CRPPA: variants seen among roughly 807,000 people sequenced by gnomAD.
The protein encoded by CRPPA is D-ribitol-5-phosphate cytidylyltransferase.
In CRPPA, 43 loss-of-function variants were observed where a neutral mutation model predicts 52.0. The ratio of observed to expected loss-of-function variants is 0.83; its 90% CI spans 0.65 to 1.07. CRPPA has a LOEUF of 1.07. Ranked by LOEUF, CRPPA falls within the 50% of genes least tolerant of loss-of-function variation. The probability of loss-of-function intolerance (pLI) is 0.00; values close to 1 mark genes in which losing one functional copy is unlikely to be tolerated. For synonymous variants in CRPPA, 250 were observed against 203.5 expected, an observed-to-expected ratio of 1.23 and a Z score of -1.94; for missense variants, 629 against 551.7, an observed-to-expected ratio of 1.14 and a Z score of -1.40.
At chr7:16,371,852 T>C (rs1195961504) in intron 3 of CRPPA, among the ~76,000 whole-genome samples, 1 of 151,836 alleles carries the variant, frequency 6.6e-6, no homozygotes, top group Non-Finnish European at 1.5e-5. Flanking sequence ...GAGAAATAGA[T>C]ATCATAATGA....
chr7:16,095,022 A>G (rs1407841801), intron 9 of CRPPA, among the ~76,000 whole-genome samples: 2 of 152,208 alleles, frequency 1.3e-5, no homozygotes, highest in African/African-American at 4.8e-5. Context: ...ATGTTGGTAC[A>G]TAAATTGTAA....
At chr7:16,232,678 T>C (rs921305017) in intron 8 of CRPPA, among the ~76,000 whole-genome samples, 2 of 152,080 alleles carry the variant, frequency 1.3e-5, no homozygotes, top group Admixed American at 1.3e-4. Flanking sequence ...ACACTAAATA[T>C]ACTAGTCCTG....
At chr7:16,285,854 CA>C (rs1259496119) in intron 5 of CRPPA, among the ~76,000 whole-genome samples, 3 of 149,842 alleles carry the variant, frequency 2.0e-5, no homozygotes, top group Non-Finnish European at 3.0e-5. Flanking sequence ...ACCCCATTTC[CA>C]CTAAACATAC....
In CRPPA at chr7:16,379,861, G is replaced by A. The variant is rs546692595; in HGVS notation, c.535-3620C>T. The stretch of plus-strand genomic sequence containing the variant: ...TTTTATATCCCGAGACTTTGCTGAA[G>A]TTGCTTATCACCTTAAGGAGATTTT... On this transcript the variant is annotated intron_variant, in intron 2 of 9. Coordinates refer to ENST00000407010, the MANE Select transcript of CRPPA (RefSeq NM_001101426.4). Among the ~76,000 whole-genome samples the A allele has an allele frequency of 7.2e-5, 11 of 152,308 alleles. No individual in the cohort carries two copies. In the South Asian group the frequency reaches 2.3e-3, roughly 32 times the overall value.
chr7:16,368,957 T>A (rs776881571), intron 3 of CRPPA, among the ~76,000 whole-genome samples: 1 of 152,194 alleles, frequency 6.6e-6, no homozygotes, highest in Non-Finnish European at 1.5e-5. Context: ...AGTGTTAACA[T>A]ATAAAATATG....
chr7:16,195,754 C>T (rs1304972193), intron 9 of CRPPA, among the ~76,000 whole-genome samples: 1 of 152,178 alleles, frequency 6.6e-6, no homozygotes, highest in African/African-American at 2.4e-5. Context: ...CCCTGCACTT[C>T]CATTCTTGCC....
chr7:16,379,032 G>A (rs1315521625), intron 2 of CRPPA, among the ~76,000 whole-genome samples: 22 of 152,148 alleles, frequency 1.4e-4, no homozygotes, highest in South Asian at 1.0e-3. Context: ...AGTAGGTTGC[G>A]AAAATTTTCT....
At chr7:16,177,234 T>A (rs1781321275) in intron 9 of CRPPA, among the ~76,000 whole-genome samples, 2 of 152,136 alleles carry the variant, frequency 1.3e-5, no homozygotes, top group African/African-American at 2.4e-5. Flanking sequence ...GTGCTGGTGG[T>A]TGCTCAATAC....
chr7:16,333,299 C>T (rs1785600991), intron 3 of CRPPA, among the ~76,000 whole-genome samples: 1 of 152,112 alleles, frequency 6.6e-6, no homozygotes, highest in Admixed American at 6.5e-5. Context: ...CTACTTCATC[C>T]AACATCATCA....
chr7:16,166,581 G>A (rs1781070656), intron 9 of CRPPA, among the ~76,000 whole-genome samples: 1 of 152,168 alleles, frequency 6.6e-6, no homozygotes, highest in Non-Finnish European at 1.5e-5. Flanking sequence ...CACCTGGCCA[G>A]CCTAAACTAC....
chr7:16,376,367 C>G, intron 2 of CRPPA, 126 bp from the exon 3 acceptor site: 1 of 940,444 alleles, frequency 1.1e-6, no homozygotes. Context: ...AAGAAAACAT[C>G]TGAGTAAGTG....
At chr7:16,401,580 G>A (rs1344523562) in intron 2 of CRPPA, among the ~76,000 whole-genome samples, 2 of 152,176 alleles carry the variant, frequency 1.3e-5, no homozygotes, top group Non-Finnish European at 2.9e-5. Flanking sequence ...TTGCTTTGTT[G>A]ATGCAGTCTC....
chr7:16,203,962 T>C (rs959007162), intron 9 of CRPPA, among the ~76,000 whole-genome samples: 7 of 152,148 alleles, frequency 4.6e-5, no homozygotes, highest in African/African-American at 1.7e-4. Context: ...TTAATTCATG[T>C]TACAAAAACA....
intron 9 of CRPPA, among the ~76,000 whole-genome samples, chr7:16,192,238 G>A (rs886565407): frequency 3.3e-5 from 5 of 151,968 alleles, no homozygotes; most frequent in African/African-American, 1.2e-4. Context: ...TTACTGTTTG[G>A]GTGGACGTGA....
chr7:16,416,415 C>T (rs566542594), intron 1 of CRPPA, among the ~76,000 whole-genome samples: 1 of 152,106 alleles, frequency 6.6e-6, no homozygotes, highest in East Asian at 1.9e-4. Context: ...CTATAAGAAT[C>T]GTAGAAGAAA....
chr7:16,367,476 G>C lies in CRPPA; in HGVS notation c.684+8616C>G, dbSNP rs1259948785. 2.6e-5 allele frequency among the ~76,000 whole-genome samples: 4 copies of C among 152,148 alleles called. No individual in the cohort carries two copies. The East Asian group carries it at 7.7e-4, about 29-fold the overall frequency. Reference sequence around the variant, plus strand: ...AATTTCATCTTTTTGACTTGTTCCTGTTAACTCAGTATTTAAAACCCAAAC... The same window carrying C: ...AATTTCATCTTTTTGACTTGTTCCTCTTAACTCAGTATTTAAAACCCAAAC... On this transcript the variant is annotated intron_variant, in intron 3 of 9. Coordinates refer to ENST00000407010, the MANE Select transcript of CRPPA (RefSeq NM_001101426.4).
rs1050212334 is a variant in CRPPA, at chr7:16,408,000, C to T, written c.258-1663G>A. Among the ~76,000 whole-genome samples, 7 of 151,150 alleles carry T rather than the reference C, an allele frequency of 4.6e-5. 1 individual carries two copies. Among genetic ancestry groups the T allele is most frequent in the South Asian group, 4.2e-4 (2 of 4,792 alleles). ...GCACGCAACTGTAATCCCAGCTACT[C>T]GAGAGGCTGAGGCAAGAGAATCACT... On this transcript the variant is annotated intron_variant, in intron 1 of 9. Transcript: ENST00000407010.
chr7:16,100,715 T>A (rs966619137), intron 9 of CRPPA, among the ~76,000 whole-genome samples: 5 of 152,218 alleles, frequency 3.3e-5, no homozygotes, highest in Admixed American at 3.3e-4. Context: ...AGAGAGGGCA[T>A]CCTTGTCTTG....
At chr7:16,093,974 A>G (rs1781888007) in intron 9 of CRPPA, among the ~76,000 whole-genome samples, 1 of 152,178 alleles carries the variant, frequency 6.6e-6, no homozygotes, top group African/African-American at 2.4e-5. Flanking sequence ...AAACCAGTTT[A>G]TACTTGTTAT....
Sources: allele counts gnomAD v4.1 joint callset (sites outside exome capture counted in the v4.1 genomes callset), GRCh38; gene constraint gnomAD v4.1.1; transcripts MANE v1.5; gene names NCBI Gene and HGNC (gene_info 2026-07-23, HGNC 2026-07-21).